TULP3: variants seen among roughly 807,000 people sequenced by gnomAD.
TULP3 encodes the protein tubby-related protein 3.
Under a neutral mutation model 50.7 loss-of-function variants are expected in TULP3, and 38 were observed. The observed-to-expected ratio is 0.75, with a 90% CI of 0.58 to 0.98. TULP3 has a LOEUF of 0.98. TULP3 is among the 50% of genes least tolerant of loss of function. TULP3 has a pLI of 0.00. For missense variants in TULP3, 550 were observed against 568.0 expected (o/e 0.97, Z 0.32); for synonymous variants, 183 against 196.6 (o/e 0.93, Z 0.58).
chr12:2,937,553 A>G, intron 8 of TULP3, 78 bp from the exon 9 acceptor site: 1 of 1,014,840 alleles, frequency 9.9e-7, no homozygotes, highest in South Asian at 1.4e-5. Flanking sequence ...CATTCCCAAG[A>G]AAGTCTCATG....
At chr12:2,928,866 A>T (rs986076499) in intron 4 of TULP3, among the ~76,000 whole-genome samples, 1 of 151,942 alleles carries the variant, frequency 6.6e-6, no homozygotes, top group African/African-American at 2.4e-5. Flanking sequence ...AATTGCTTGA[A>T]CCCAGGAGAC....
chr12:2,897,058 GAGTGC>G (rs1413990882), intron 1 of TULP3, among the ~76,000 whole-genome samples: 1 of 152,118 alleles, frequency 6.6e-6, no homozygotes, highest in Non-Finnish European at 1.5e-5. Flanking sequence ...GCCTAGGCTG[GAGTGC>G]AGTGGCAGGA....
intron 2 of TULP3, among the ~76,000 whole-genome samples, chr12:2,917,201 A>G (rs1838137108): frequency 6.6e-6 from 1 of 152,210 alleles, no homozygotes; most frequent in Non-Finnish European, 1.5e-5. Flanking sequence ...ACGATACCTA[A>G]GAAGTTAAAC....
At position 2,939,054 on chromosome 12, in the gene TULP3, C is replaced by T. The variant is rs559185857; in HGVS notation, c.1196-257C>T. 2.3e-4 allele frequency among the ~76,000 whole-genome samples: 35 copies of T among 152,062 alleles called. No homozygotes were observed. Among genetic ancestry groups the T allele is most frequent in the African/African-American group, 7.5e-4 (31 of 41,480 alleles). On this transcript the variant is annotated intron_variant, in intron 10 of 10. Coordinates refer to ENST00000448120, the MANE Select transcript of TULP3 (RefSeq NM_003324.5). This position sits in a 1 kb window ranked among gnomAD's most constrained non-coding sequence, Gnocchi z 4.0. Reference sequence around the variant, plus strand: ...CCAGCTTGAGCAACATAGTGAGACCCTATCTTCACAAAAAGTAAAATATTA... The same window carrying T: ...CCAGCTTGAGCAACATAGTGAGACCTTATCTTCACAAAAAGTAAAATATTA...
chr12:2,910,142 A>C (rs562016368), intron 2 of TULP3, among the ~76,000 whole-genome samples: 208 of 152,154 alleles, frequency 1.4e-3, no homozygotes, highest in Middle Eastern at 6.8e-3. Context: ...AAATACAAAA[A>C]ATTAGCCGGG....
Position 2,931,134 on chromosome 12 carries a change from C to G in TULP3, c.590C>G (p.Pro197Arg). Reference sequence around the variant, plus strand: ...GAGGACTTTGTGTATAGTCCTGCCCCTCAAGGTGTCACAGTAAGATGTCGG... The same window carrying G: ...GAGGACTTTGTGTATAGTCCTGCCCGTCAAGGTGTCACAGTAAGATGTCGG... ...DLEDFVYSPA[P>R]QGVTVRCRII... The change falls in exon 6 of 11, where the codon CCT becomes CGT. Residue 197 changes from proline to arginine, a missense_variant. Transcript: ENST00000448120. The G allele has an allele frequency of 6.2e-7, 1 of 1,614,180 alleles. No individual in the cohort carries two copies. Among genetic ancestry groups the G allele is most frequent in the East Asian group, 2.2e-5 (1 of 44,880 alleles).
chr12:2,892,618 TC>T (rs2098172826), intron 1 of TULP3, among the ~76,000 whole-genome samples: 2 of 152,016 alleles, frequency 1.3e-5, no homozygotes, highest in East Asian at 3.9e-4. Flanking sequence ...TTCAAGTGAT[TC>T]TCCTGCCTCA....
At chr12:2,935,414 G>A (rs1004942831) in intron 8 of TULP3, among the ~76,000 whole-genome samples, 3 of 152,156 alleles carry the variant, frequency 2.0e-5, no homozygotes, top group Admixed American at 6.5e-5. Context: ...AACATGAACC[G>A]TTTCCACCAG....
chr12:2,920,692 C>T, intron 2 of TULP3, 71 bp from the exon 3 acceptor site: 1 of 1,553,842 alleles, frequency 6.4e-7, no homozygotes. Flanking sequence ...GAAAAACAAA[C>T]TGGGCATGTT....
chr12:2,930,966 TA>T, intron 5 of TULP3, 70 bp from the exon 6 acceptor site: 1 of 1,543,826 alleles, frequency 6.5e-7, no homozygotes, highest in Non-Finnish European at 9.0e-7. Flanking sequence ...CTTTGTCCAC[TA>T]AGTGTTTTTC....
intron 1 of TULP3, among the ~76,000 whole-genome samples, chr12:2,908,110 G>C (rs1308412478): frequency 6.6e-6 from 1 of 152,200 alleles, no homozygotes; most frequent in African/African-American, 2.4e-5. Context: ...CTATGCATTA[G>C]TAAGATGCAT....
intron 1 of TULP3, among the ~76,000 whole-genome samples, chr12:2,900,373 G>A (rs4766004): frequency 0.48 from 72,717 of 152,046 alleles, 17,865 homozygotes; most frequent in African/African-American, 0.6. Context: ...AATGTTGCCT[G>A]CAGTAACCTG....
chr12:2,903,205 A>T (rs908663031), intron 1 of TULP3, among the ~76,000 whole-genome samples: 14 of 152,126 alleles, frequency 9.2e-5, no homozygotes, highest in African/African-American at 3.4e-4. Flanking sequence ...CAATGAAAAA[A>T]AAATTACCAA....
chr12:2,917,524 A>G (rs780409366), intron 2 of TULP3, among the ~76,000 whole-genome samples: 1 of 151,958 alleles, frequency 6.6e-6, no homozygotes, highest in Non-Finnish European at 1.5e-5. Flanking sequence ...AACCCTATCA[A>G]ATTCTAGCTC....
At position 2,941,054 on chromosome 12, in the gene TULP3, TTG is replaced by T. The variant is rs3832878; in HGVS notation, c.*1617_*1618del. The T allele has an allele frequency of 0.19, 48,451 of 256,354 alleles. 5,030 individuals carry two copies. Among genetic ancestry groups the T allele is most frequent in the South Asian group, 0.24 (2,053 of 8,620 alleles). 15.9% of individuals were successfully genotyped at this position (256,354 alleles called of 1,614,324 possible). A position where few individuals can be genotyped will look rare whatever the true frequency, so the allele number is the denominator to read the frequency against. ...GATATATAAACTAATTTCACATAAT[TTG>T]TGTGTGCAGGTGATTGGTTTTTACA... On this transcript the variant is annotated 3_prime_UTR_variant, in exon 11 of 11. Coordinates refer to ENST00000448120, the MANE Select transcript of TULP3 (RefSeq NM_003324.5).
Position 2,940,591 on chromosome 12 carries a change from T to G in TULP3, c.*1147T>G. On this transcript the variant is annotated 3_prime_UTR_variant, in exon 11 of 11. Transcript: ENST00000448120. ...AGCTCCACCGTCAGCACCATTCAGC[T>G]GCATCCCTTGTGCACAGAACTGTTT... The G allele has an allele frequency of 6.4e-7, 1 of 1,551,768 alleles. No individual in the cohort carries two copies. Among genetic ancestry groups the G allele is most frequent in the Non-Finnish European group, 8.7e-7 (1 of 1,147,002 alleles).
intron 10 of TULP3, 42 bp downstream of exon 10, chr12:2,938,327 T>C (rs1202950013): frequency 4.4e-6 from 7 of 1,596,240 alleles, no homozygotes; most frequent in Non-Finnish European, 6.0e-6. Context: ...GGAGGACAGA[T>C]GCTCTTACAG....
At chr12:2,920,409 T>C (rs2098190974) in intron 2 of TULP3, among the ~76,000 whole-genome samples, 1 of 151,864 alleles carries the variant, frequency 6.6e-6, no homozygotes, top group African/African-American at 2.4e-5. Flanking sequence ...TTCAGGAGGC[T>C]GAGGCAGAAG....
chr12:2,901,600 C>G (rs894412324), intron 1 of TULP3, among the ~76,000 whole-genome samples: 4 of 151,938 alleles, frequency 2.6e-5, no homozygotes, highest in Admixed American at 6.6e-5. Flanking sequence ...CCAGGCTGGT[C>G]TCCAGCTCCT....
Sources: gnomAD v4.1 joint callset for allele counts (sites outside exome capture counted in the v4.1 genomes callset) on GRCh38, gnomAD v4.1.1 for gene constraint, Gnocchi (gnomAD v3.1) non-coding constraint, MANE v1.5 for transcripts, NCBI Gene and HGNC (gene_info 2026-07-23, HGNC 2026-07-21) for gene names.